Variants in WDR90 observed in about 807,000 individuals in gnomAD.
The protein encoded by WDR90 is WD repeat domain 90.
WDR90 carries 238 observed loss-of-function variants against 195.2 expected under a neutral mutation model. The observed-to-expected ratio is 1.22, with a 90% CI of 1.10 to 1.36. WDR90 has a LOEUF of 1.36. Among genes scored for constraint, WDR90 ranks in the 40% most tolerant of loss-of-function variants. WDR90 has a pLI of 0.00. For synonymous variants in WDR90, 1,265 were observed against 1,052.4 expected (o/e 1.20, Z -3.91); for missense variants, 2,734 against 2,439.5 (o/e 1.12, Z -2.54).
At chr16:662,987 G>A (rs986369778) in intron 34 of WDR90, 143 bp downstream of exon 34, 99 of 1,290,834 alleles carry the variant, frequency 7.7e-5, no homozygotes, top group Non-Finnish European at 1.0e-4. Context: ...TCCCAGCGGG[G>A]AAGTCTTGGG....
rs2037602202 is a variant in WDR90, at chr16:649,793, G to C, written c.41G>C (p.Arg14Thr). 1.3e-6 allele frequency: 2 copies of C among 1,574,690 alleles called. No individual in the cohort carries two copies. The highest frequency in any genetic ancestry group is 2.3e-5 in the South Asian group (2 of 86,632). ...AWQHPFLNVF[R>T]HFRVDEWKRS... ...CAGCACCCGTTCCTCAACGTCTTCA[G>C]ACACTTCCGGGTGGACGAGTGGAAG... is the stretch of plus-strand genomic sequence containing the variant. Residue 14 changes from arginine (R) to threonine (T), a missense_variant, in exon 2 of 41, where the codon AGA (arginine) becomes ACA (threonine). Coordinates refer to ENST00000293879, the MANE Select transcript of WDR90 (RefSeq NM_145294.5).
rs1255522355 is a variant in WDR90, at chr16:666,738, C to T, written c.4950C>T (p.Tyr1650=). 3.1e-6 allele frequency: 5 copies of T among 1,612,704 alleles called. No individual in the cohort carries two copies. Among genetic ancestry groups the T allele is most frequent in the East Asian group, 2.2e-5 (1 of 44,890 alleles). The stretch of plus-strand genomic sequence containing the variant: ...CTTGGGATGGGGCGCTCCTGATGTA[C>T]GTGGGCCCCGGTGTTTACAAGGAGG... ...FCPWDGALLM[Y]VGPGVYKEVI... is the part of the protein sequence containing the mutation. The change falls in exon 39 of 41, where the codon TAC becomes TAT. Residue 1650 remains tyrosine (Y), a synonymous_variant. Transcript: ENST00000293879.
At position 650,634 on chromosome 16, in the gene WDR90, C is replaced by G. The variant is rs1415341348; in HGVS notation, c.484C>G (p.His162Asp). The G allele has an allele frequency of 2.5e-6, 4 of 1,612,670 alleles. No individual in the cohort carries two copies. The highest frequency in any genetic ancestry group is 3.4e-6 in the Non-Finnish European group (4 of 1,179,956). The change falls in exon 5 of 41, where the codon CAT (histidine) becomes GAT (aspartate). Residue 162 changes from histidine (H) to aspartate (D), a missense_variant. By Grantham distance (81) the His-to-Asp change is moderately conservative. Coordinates refer to ENST00000293879, the MANE Select transcript of WDR90 (RefSeq NM_145294.5). ...GGTCTACCTGAACCGGTGCTACGGCCATCTCAAGAGCATCAGGCTGTGCGC... is the reference window on the plus strand; with the variant it reads ...GGTCTACCTGAACCGGTGCTACGGCGATCTCAAGAGCATCAGGCTGTGCGC... ...LLVYLNRCYGHLKSIRLCASL... is the reference protein window; with the variant it reads ...LLVYLNRCYGDLKSIRLCASL...
chr16:661,841 C>T (rs1048697215), intron 31 of WDR90, 50 bp from the exon 32 acceptor site: 2 of 1,589,578 alleles, frequency 1.3e-6, no homozygotes, highest in Non-Finnish European at 1.7e-6. Context: ...GTGGAATCTG[C>T]CTGGGCCCCG....
In WDR90 at chr16:656,453, C is replaced by T. The variant is rs764927160; in HGVS notation, c.2118C>T (p.Leu706=). 4.3e-5 allele frequency: 69 copies of T among 1,600,106 alleles called. No homozygotes were observed. Among genetic ancestry groups the T allele is most frequent in the East Asian group, 2.0e-4 (9 of 44,248 alleles). The change falls in exon 18 of 41, where the codon CTC becomes CTT. Residue 706 remains leucine (L), a synonymous_variant. Transcript: ENST00000293879. ...CCCACACCGCCCCGGTGTTGGCCCT[C>T]GCCATGGAGCAGAGGCGGGGACAGC... ...ARSHTAPVLA[L]AMEQRRGQLA... is the part of the protein sequence containing the mutation.
chr16:658,918 C>A lies in WDR90; in HGVS notation c.2918C>A (p.Pro973His). Residue 973 changes from proline to histidine, a missense_variant, in exon 24 of 41, where the codon CCC (proline) becomes CAC (histidine). By Grantham distance (77) the Pro-to-His change is moderately conservative. Transcript: ENST00000293879. ...GPQVYIGHSEPVQAVAFSPDQ... is the reference protein window; with the variant it reads ...GPQVYIGHSEHVQAVAFSPDQ... ...TAGGTGTACATCGGCCACTCGGAAC[C>A]CGTGCAGGCTGTGGCCTTCTCTCCT... The A allele has an allele frequency of 6.2e-7, 1 of 1,612,492 alleles. No homozygotes were observed. Among genetic ancestry groups the A allele is most frequent in the Non-Finnish European group, 8.5e-7 (1 of 1,179,976 alleles).
intron 34 of WDR90, among the ~76,000 whole-genome samples, chr16:663,818 G>A (rs1195887025): frequency 1.3e-5 from 2 of 152,208 alleles, no homozygotes; most frequent in Non-Finnish European, 2.9e-5. Flanking sequence ...CGGAATTGGG[G>A]CGGCAGGACA....
intron 17 of WDR90, 192 bp from the exon 18 acceptor site, chr16:656,110 T>A: frequency 1.3e-6 from 1 of 758,890 alleles, no homozygotes; most frequent in Non-Finnish European, 2.1e-6. Context: ...GGGTAGTGTG[T>A]GAAGCCCCTC....
Position 653,415 on chromosome 16 carries a change from G to A in WDR90, c.1197G>A (p.Thr399=), listed in dbSNP as rs753014354. 1.2e-5 allele frequency: 20 copies of A among 1,610,946 alleles called. No individual in the cohort carries two copies. The highest frequency in any genetic ancestry group is 3.3e-5 in the South Asian group (3 of 90,958). ...HAVIVVLLVD[T]GEQRFFLGHT... ...TCATCGTCGTCCTGCTCGTGGACAC[G>A]GGGGAGCAGCGCTTCTTCCTTGGCC... The change falls in exon 11 of 41, where the codon ACG becomes ACA. Residue 399 remains threonine (T), a synonymous_variant. Coordinates refer to ENST00000293879, the MANE Select transcript of WDR90 (RefSeq NM_145294.5).
intron 20 of WDR90, 116 bp downstream of exon 20, chr16:657,337 T>TG (rs996171749): frequency 2.6e-5 from 37 of 1,401,680 alleles, no homozygotes; most frequent in Admixed American, 8.3e-5. Flanking sequence ...CTGGGTCCTG[T>TG]GGGGGGGCGT....
chr16:657,943 G>T, intron 21 of WDR90, 51 bp downstream of exon 21: 1 of 1,497,168 alleles, frequency 6.7e-7, no homozygotes. Context: ...TGAGAGGCTG[G>T]CTGCAGGGGC....
At chr16:656,226 G>A in intron 17 of WDR90, 76 bp from the exon 18 acceptor site, 2 of 1,371,552 alleles carry the variant, frequency 1.5e-6, no homozygotes, top group Non-Finnish European at 1.0e-6. Context: ...TTGCTGGGGT[G>A]TCGGGGACCC....
intron 2 of WDR90, 44 bp downstream of exon 2, chr16:649,898 C>A: frequency 1.3e-6 from 2 of 1,581,778 alleles, no homozygotes; most frequent in Non-Finnish European, 1.7e-6. Context: ...CCCTGCCCTG[C>A]CCCCAGGAGA....
In WDR90 at chr16:650,286, C is replaced by T. The variant is rs1169525539; in HGVS notation, c.312C>T (p.Asn104=). 32 of 1,612,888 alleles carry T rather than the reference C, an allele frequency of 2.0e-5. No homozygotes were observed. Among genetic ancestry groups the T allele is most frequent in the African/African-American group, 1.2e-4 (9 of 74,942 alleles). ...AAGTCATCCGTGTGTCTTTCTCCAA[C>T]CTCTTCAAGGAGTTTAAGTCTACGG... ...DNQVIRVSFS[N]LFKEFKSTAT... is the part of the protein sequence containing the mutation. The change falls in exon 4 of 41, where the codon AAC becomes AAT. Residue 104 remains asparagine (N), a synonymous_variant. Transcript: ENST00000293879.
At position 652,517 on chromosome 16, in the gene WDR90, G is replaced by A; in HGVS notation, c.1104G>A (p.Gly368=). The change falls in exon 10 of 41, where the codon GGG becomes GGA. Residue 368 remains glycine, a synonymous_variant. Coordinates refer to ENST00000293879, the MANE Select transcript of WDR90 (RefSeq NM_145294.5). The part of the protein sequence containing the change: ...VLRLKGVIGF[G]GHGTRQALWT... The stretch of plus-strand genomic sequence containing the variant: ...GGCTCAAGGGCGTCATCGGCTTTGG[G>A]GGCCACGGCACCAGACAGGTGAGGC... The A allele has an allele frequency of 6.2e-7, 1 of 1,610,052 alleles. No individual in the cohort carries two copies. Among genetic ancestry groups the A allele is most frequent in the Non-Finnish European group, 8.5e-7 (1 of 1,178,054 alleles).
chr16:662,135 C>CTGTA (rs2037930147), intron 32 of WDR90, 76 bp downstream of exon 32: 1 of 1,547,942 alleles, frequency 6.5e-7, no homozygotes, highest in Non-Finnish European at 8.7e-7. Context: ...GAGGCCTCAT[C>CTGTA]TGTAGCCCTG....
At chr16:652,092 G>C (rs775734440) in intron 9 of WDR90, 53 bp downstream of exon 9, 59 of 1,524,216 alleles carry the variant, frequency 3.9e-5, no homozygotes, top group Non-Finnish European at 4.9e-5. Context: ...GGCTGGGGCA[G>C]CTGGTAGCCC....
At position 658,200 on chromosome 16, in the gene WDR90, C is replaced by T. The variant is rs372106924; in HGVS notation, c.2622C>T (p.Ile874=). Residue 874 remains isoleucine (I), a synonymous_variant, in exon 22 of 41, where the codon ATC becomes ATT. Transcript: ENST00000293879. ...ACCCCCAGCTGCTGCGAGTTGACAT[C>T]GGCACTCTGGACCTGGCCAGCAGCC... ...ASLDELLRVD[I]GTLDLASSRL... is the part of the protein sequence containing the mutation. The T allele has an allele frequency of 8.8e-5, 141 of 1,610,406 alleles. No homozygotes were observed. Among genetic ancestry groups the T allele is most frequent in the South Asian group, 7.5e-4 (68 of 91,000 alleles).
At position 666,885 on chromosome 16, in the gene WDR90, C is replaced by T; in HGVS notation, c.5005-20C>T. On this transcript the variant is annotated intron_variant, in intron 39 of 40. Coordinates refer to ENST00000293879, the MANE Select transcript of WDR90 (RefSeq NM_145294.5). ...AGCCCTGAGCCCACAGGCCTGGAGC[C>T]TCACGCTGGCTGCTCACAGGTGGTG... is the stretch of plus-strand genomic sequence containing the variant. The T allele has an allele frequency of 6.8e-6, 11 of 1,613,068 alleles. No homozygotes were observed. The highest frequency in any genetic ancestry group is 9.3e-6 in the Non-Finnish European group (11 of 1,179,934).
Sources: allele counts gnomAD v4.1 joint callset (sites outside exome capture counted in the v4.1 genomes callset), GRCh38; gene constraint gnomAD v4.1.1; transcripts MANE v1.5; gene names NCBI Gene and HGNC (gene_info 2026-07-23, HGNC 2026-07-21).